RAP1A: variants seen among roughly 807,000 people sequenced by gnomAD.
The protein encoded by RAP1A is ras-related protein Rap-1A.
Under a neutral mutation model 26.4 loss-of-function variants are expected in RAP1A, and 6 were observed. That is an observed-to-expected ratio of 0.23 (90% CI 0.12 to 0.45). RAP1A has a LOEUF of 0.45. Ranked by LOEUF, RAP1A falls within the 20% of genes least tolerant of loss-of-function variation. RAP1A has a pLI of 0.99. For synonymous variants in RAP1A, 73 were observed against 79.4 expected (o/e 0.92, Z 0.43); for missense variants, 121 against 217.2 (o/e 0.56, Z 2.78).
intron 1 of RAP1A, among the ~76,000 whole-genome samples, chr1:111,596,324 CAAG>C (rs1658563275): frequency 6.6e-6 from 1 of 152,110 alleles, no homozygotes; most frequent in Non-Finnish European, 1.5e-5. Flanking sequence ...GCTCTGACAA[CAAG>C]GAGGCCACAG....
chr1:111,547,811 A>T (rs926495378), intron 1 of RAP1A, among the ~76,000 whole-genome samples: 3 of 151,960 alleles, frequency 2.0e-5, no homozygotes, highest in Non-Finnish European at 2.9e-5. Flanking sequence ...GTGGAGAAAG[A>T]CTCTCTGGTG....
intron 6 of RAP1A, among the ~76,000 whole-genome samples, chr1:111,707,071 C>T (rs1222225601): frequency 1.3e-5 from 2 of 152,088 alleles, no homozygotes; most frequent in African/African-American, 2.4e-5. Flanking sequence ...ACAGAAACTA[C>T]AATTTTGTTT....
At chr1:111,665,941 T>C (rs780475184) in intron 1 of RAP1A, among the ~76,000 whole-genome samples, 1 of 152,254 alleles carries the variant, frequency 6.6e-6, no homozygotes, top group Non-Finnish European at 1.5e-5. Flanking sequence ...GTAACAATTT[T>C]AGTAACCTTT....
chr1:111,684,605 A>G (rs1387416089), intron 1 of RAP1A, among the ~76,000 whole-genome samples: 2 of 152,222 alleles, frequency 1.3e-5, no homozygotes, highest in Non-Finnish European at 2.9e-5. Flanking sequence ...AAGGAGAACT[A>G]CAAACCGCTG....
chr1:111,681,592 A>G lies in RAP1A; in HGVS notation c.-27-9742A>G, dbSNP rs113480009. On this transcript the variant is annotated intron_variant, in intron 1 of 7. Coordinates refer to ENST00000369709, the MANE Select transcript of RAP1A (RefSeq NM_002884.4). ...TAGCTGAATTGATCAAGTGGAAGAA[A>G]GGATATCAGAGATTGAAGATCAACT... 2.4e-3 allele frequency among the ~76,000 whole-genome samples: 369 copies of G among 152,322 alleles called. 2 individuals carry two copies. The highest frequency in any genetic ancestry group is 8.7e-3 in the African/African-American group (360 of 41,578).
At chr1:111,619,740 G>C (rs1571501327), upstream of RAP1A, 2 of 394,242 alleles carry the variant, frequency 5.1e-6, no homozygotes, top group East Asian at 7.2e-5. Flanking sequence ...GGCAGAACCA[G>C]GGGGCGGGGC....
chr1:111,583,876 C>CTTTTT (rs71099920), intron 1 of RAP1A, among the ~76,000 whole-genome samples: 1 of 90,110 alleles, frequency 1.1e-5, no homozygotes, highest in Non-Finnish European at 2.2e-5. Context: ...ATTGTTATTT[C>CTTTTT]TTTTTTTTTT....
intron 1 of RAP1A, among the ~76,000 whole-genome samples, chr1:111,555,573 A>G (rs1210123988): frequency 1.3e-5 from 2 of 152,080 alleles, no homozygotes; most frequent in African/African-American, 4.8e-5. Flanking sequence ...AATGGAAACT[A>G]CAAAATATTA....
intron 1 of RAP1A, among the ~76,000 whole-genome samples, chr1:111,581,471 C>T (rs1658257316): frequency 6.6e-6 from 1 of 152,152 alleles, no homozygotes; most frequent in African/African-American, 2.4e-5. Context: ...TACAGCACAG[C>T]CCCTCATGAC....
intron 1 of RAP1A, among the ~76,000 whole-genome samples, chr1:111,592,599 C>T (rs1658490118): frequency 6.6e-6 from 1 of 152,166 alleles, no homozygotes; most frequent in Non-Finnish European, 1.5e-5. Flanking sequence ...ATAAATATTC[C>T]CAAAGAGCAA....
intron 1 of RAP1A, among the ~76,000 whole-genome samples, chr1:111,551,840 G>T (rs915748054): frequency 6.6e-6 from 1 of 151,826 alleles, no homozygotes; most frequent in Admixed American, 6.6e-5. Context: ...TCAGCCGAGC[G>T]GTTTACAGTT....
At chr1:111,652,366 T>C (rs1660302534) in intron 1 of RAP1A, among the ~76,000 whole-genome samples, 1 of 152,228 alleles carries the variant, frequency 6.6e-6, no homozygotes, top group East Asian at 1.9e-4. Flanking sequence ...AAAGTTGACG[T>C]TGACAGCAAA....
chr1:111,622,189 A>C (rs1281648423), intron 1 of RAP1A, among the ~76,000 whole-genome samples: 1 of 152,156 alleles, frequency 6.6e-6, no homozygotes, highest in African/African-American at 2.4e-5. Context: ...GTTGATTTCC[A>C]CACAGCAGCT....
chr1:111,556,368 T>C (rs1158875537), intron 1 of RAP1A, among the ~76,000 whole-genome samples: 5 of 152,142 alleles, frequency 3.3e-5, no homozygotes, highest in Non-Finnish European at 7.4e-5. Context: ...AGTATGGCAG[T>C]TTCTCAAAAA....
chr1:111,646,875 T>C (rs545247974), intron 1 of RAP1A, among the ~76,000 whole-genome samples: 3 of 152,202 alleles, frequency 2.0e-5, no homozygotes, highest in African/African-American at 7.2e-5. Flanking sequence ...CTAGTTGATT[T>C]ATTTTTTCCT....
rs79330535 is a variant in RAP1A at position 111,574,075 on chromosome 1, T to C, written c.-28+31566T>C. On this transcript the variant is annotated intron_variant, in intron 1 of 7. Transcript: ENST00000356415. ...ATATTGCCTAGGTTGTCTTTCAGAG[T>C]TTTTATAGTTTTGAGTTTTACATGT... 5.1e-3 allele frequency among the ~76,000 whole-genome samples: 777 copies of C among 152,252 alleles called. 5 individuals carry two copies. Among genetic ancestry groups the C allele is most frequent in the African/African-American group, 0.018 (736 of 41,548 alleles).
intron 5 of RAP1A, 101 bp downstream of exon 5, chr1:111,703,577 C>A: frequency 8.6e-7 from 1 of 1,164,696 alleles, no homozygotes; most frequent in Non-Finnish European, 1.2e-6. Context: ...AAGCTATCTA[C>A]CACATGCCTG....
intron 1 of RAP1A, among the ~76,000 whole-genome samples, chr1:111,626,420 CGTT>C (rs1659403589): frequency 2.0e-5 from 3 of 151,806 alleles, no homozygotes; most frequent in Non-Finnish European, 2.9e-5. Context: ...TATATACACA[CGTT>C]GTAGGGAAGT....
In RAP1A at chr1:111,612,537, G is replaced by A. The variant is rs574162894; in HGVS notation, c.-28+70028G>A. Among the ~76,000 whole-genome samples the A allele has an allele frequency of 9.9e-5, 15 of 152,258 alleles. No individual in the cohort carries two copies. The South Asian group carries it at 3.1e-3, about 32-fold the overall frequency. ...CTCTCACAATGCACAATATGCACCT[G>A]CCTGTATACCTTCTTTCACCACTCG... is the stretch of plus-strand genomic sequence containing the variant. On this transcript the variant is annotated intron_variant, in intron 1 of 7. Coordinates refer to the RAP1A transcript ENST00000356415.
Sources: allele counts gnomAD v4.1 joint callset (sites outside exome capture counted in the v4.1 genomes callset), GRCh38; gene constraint gnomAD v4.1.1; transcripts MANE v1.5; gene names NCBI Gene and HGNC (gene_info 2026-07-23, HGNC 2026-07-21).